Variants in ANO10 observed in about 807,000 individuals in gnomAD.
ANO10 encodes anoctamin 10.
Under a neutral mutation model 74.7 loss-of-function variants are expected in ANO10, and 77 were observed. That is an observed-to-expected ratio of 1.03 (90% CI 0.86 to 1.25). The LOEUF is 1.25. Ranked by LOEUF, ANO10 falls within the 50% of genes most tolerant of loss-of-function variation. The pLI is 0.00. For missense variants in ANO10, 721 were observed against 778.1 expected, an observed-to-expected ratio of 0.93 and a Z score of 0.87; for synonymous variants, 279 against 284.9, an observed-to-expected ratio of 0.98 and a Z score of 0.21.
intron 1 of ANO10, among the ~76,000 whole-genome samples, chr3:43,653,445 T>C (rs958004003): frequency 2.6e-5 from 4 of 152,316 alleles, no homozygotes; most frequent in Middle Eastern, 3.4e-3. Flanking sequence ...GGTGGGAAAA[T>C]AGGATTCTTA....
intron 8 of ANO10, among the ~76,000 whole-genome samples, chr3:43,563,180 A>G (rs1010572820): frequency 3.3e-5 from 5 of 152,200 alleles, no homozygotes; most frequent in Non-Finnish European, 5.9e-5. Context: ...ATTTCTCTAA[A>G]GAAGACATTT....
At chr3:43,412,349 G>A (rs551108019) in intron 12 of ANO10, among the ~76,000 whole-genome samples, 2 of 152,152 alleles carry the variant, frequency 1.3e-5, no homozygotes, top group South Asian at 2.1e-4. Flanking sequence ...CGATGCAGTC[G>A]GTTTTAGGAG....
chr3:43,607,126 A>G (rs2082599914), intron 1 of ANO10, among the ~76,000 whole-genome samples: 1 of 152,160 alleles, frequency 6.6e-6, no homozygotes, highest in Non-Finnish European at 1.5e-5. Context: ...ATGTGAAAAA[A>G]TCCAAAATGT....
intron 11 of ANO10, among the ~76,000 whole-genome samples, chr3:43,455,875 G>T (rs1193242084): frequency 2.6e-5 from 4 of 151,966 alleles, no homozygotes; most frequent in African/African-American, 9.7e-5. Flanking sequence ...TGTGGTACAT[G>T]ACGCAGTATT....
intron 11 of ANO10, among the ~76,000 whole-genome samples, chr3:43,507,643 T>C (rs1021665098): frequency 2.0e-5 from 3 of 151,986 alleles, no homozygotes; most frequent in Non-Finnish European, 4.4e-5. Context: ...GTAGGCCCAG[T>C]GACCAGGGAC....
chr3:43,453,999 A>T lies in ANO10; in HGVS notation c.1798-21272T>A, dbSNP rs571465015. 1.1e-4 allele frequency among the ~76,000 whole-genome samples: 16 copies of T among 152,372 alleles called. No individual in the cohort carries two copies. In the South Asian group the frequency reaches 3.1e-3, roughly 30 times the overall value. ...CATATAATTAAACTATTCATAAGTA[A>T]CATACATAGTTTATGAAACAAAGAA... On this transcript the variant is annotated intron_variant, in intron 11 of 12. Coordinates refer to ENST00000292246, the MANE Select transcript of ANO10 (RefSeq NM_018075.5).
rs763430302 is a variant in ANO10 at position 43,555,299 on chromosome 3, T to C, written c.1647A>G (p.Ser549=). The C allele has an allele frequency of 1.9e-6, 3 of 1,614,146 alleles. No homozygotes were observed. The highest frequency in any genetic ancestry group is 8.5e-7 in the Non-Finnish European group (1 of 1,179,994). The part of the protein sequence containing the change: ...RVFKRPFSEP[S]ANIGVWQLAF... ...TTACCTGCCACACACCAATATTGGC[T>C]GAAGGTTCTGAGAATGGACGTTTGA... Residue 549 remains serine, a synonymous_variant, in exon 10 of 13, where the codon TCA becomes TCG. Coordinates refer to ENST00000292246, the MANE Select transcript of ANO10 (RefSeq NM_018075.5).
At chr3:43,412,215 C>T (rs1046090003) in intron 12 of ANO10, among the ~76,000 whole-genome samples, 2 of 152,046 alleles carry the variant, frequency 1.3e-5, no homozygotes, top group African/African-American at 4.8e-5. Context: ...CCCCCTCTGC[C>T]CTCTCCTACA....
At chr3:43,548,585 C>T (rs902315937) in intron 11 of ANO10, among the ~76,000 whole-genome samples, 1 of 152,204 alleles carries the variant, frequency 6.6e-6, no homozygotes, top group Non-Finnish European at 1.5e-5. Flanking sequence ...TTAGCCAACA[C>T]TGGAAATGTG....
chr3:43,479,292 T>C (rs2076182667), intron 11 of ANO10, among the ~76,000 whole-genome samples: 1 of 152,234 alleles, frequency 6.6e-6, no homozygotes, highest in Admixed American at 6.5e-5. Flanking sequence ...TCTGAAAGTT[T>C]CTATACCTAA....
At chr3:43,407,895 T>C (rs576625169) in intron 12 of ANO10, among the ~76,000 whole-genome samples, 1 of 152,296 alleles carries the variant, frequency 6.6e-6, no homozygotes, top group South Asian at 2.1e-4. Flanking sequence ...GGGATGAGGC[T>C]GCAAGCACAG....
chr3:43,490,614 C>T (rs142272502), intron 11 of ANO10, among the ~76,000 whole-genome samples: 15 of 152,338 alleles, frequency 9.8e-5, no homozygotes, highest in Middle Eastern at 6.8e-3. Flanking sequence ...CCTCCTAATT[C>T]ATTCTAAAAA....
chr3:43,591,895 A>C (rs2081785515), intron 4 of ANO10, among the ~76,000 whole-genome samples: 1 of 152,194 alleles, frequency 6.6e-6, no homozygotes, highest in Non-Finnish European at 1.5e-5. Flanking sequence ...GGTCACCCTG[A>C]CCCTAACACT....
upstream of ANO10, among the ~76,000 whole-genome samples, chr3:43,622,452 C>CT (rs1418103254): frequency 6.6e-6 from 1 of 152,332 alleles, no homozygotes; most frequent in East Asian, 1.9e-4. Flanking sequence ...ACATTTCCCT[C>CT]TTCCATCTCT....
intron 4 of ANO10, among the ~76,000 whole-genome samples, chr3:43,591,937 A>C (rs1342097822): frequency 6.6e-6 from 1 of 152,232 alleles, no homozygotes; most frequent in Non-Finnish European, 1.5e-5. Context: ...CAAACGGCAC[A>C]CCAGGAGATT....
At chr3:43,490,921 TA>T (rs2076695457) in intron 11 of ANO10, among the ~76,000 whole-genome samples, 1 of 151,922 alleles carries the variant, frequency 6.6e-6, no homozygotes, top group African/African-American at 2.4e-5. Flanking sequence ...TCCTAATAGA[TA>T]GAGAACACCT....
chr3:43,637,576 G>C (rs182564310), intron 1 of ANO10: 117 of 151,622 alleles, frequency 7.7e-4, no homozygotes, highest in African/African-American at 2.8e-3. Context: ...AAGAGACAGC[G>C]TCAGGGCATT....
chr3:43,590,376 A>G (rs2081675010), intron 4 of ANO10, among the ~76,000 whole-genome samples: 1 of 152,240 alleles, frequency 6.6e-6, no homozygotes, highest in East Asian at 1.9e-4. Flanking sequence ...AAAGTAAGGC[A>G]CAATTCTGAA....
intron 12 of ANO10, among the ~76,000 whole-genome samples, chr3:43,415,294 G>A (rs1018291112): frequency 6.6e-6 from 1 of 151,672 alleles, no homozygotes; most frequent in Non-Finnish European, 1.5e-5. Flanking sequence ...TTTTACAGAG[G>A]AAGAAACTGA....
Sources: gnomAD v4.1 joint callset for allele counts (sites outside exome capture counted in the v4.1 genomes callset) on GRCh38, gnomAD v4.1.1 for gene constraint, MANE v1.5 for transcripts, NCBI Gene and HGNC (gene_info 2026-07-23, HGNC 2026-07-21) for gene names.